Variants in NFIA observed in about 807,000 individuals in gnomAD.
NFIA encodes the protein nuclear factor I A.
Under a neutral mutation model 62.8 loss-of-function variants are expected in NFIA, and 8 were observed. That is an observed-to-expected ratio of 0.13 (90% CI 0.07 to 0.23). The LOEUF is 0.23. Ranked by LOEUF, NFIA falls within the 10% of genes least tolerant of loss-of-function variation. NFIA has a pLI of 1.00. For missense variants in NFIA, 410 were observed against 642.1 expected, an observed-to-expected ratio of 0.64 and a Z score of 3.91; for synonymous variants, 235 against 238.1, an observed-to-expected ratio of 0.99 and a Z score of 0.12.
intron 9 of NFIA, among the ~76,000 whole-genome samples, chr1:61,407,383 C>A (rs1665894626): frequency 6.6e-6 from 1 of 152,066 alleles, no homozygotes; most frequent in East Asian, 1.9e-4. Flanking sequence ...AACATTTAAT[C>A]AAAGAATATA....
At chr1:61,386,154 A>G (rs915894489) in intron 7 of NFIA, among the ~76,000 whole-genome samples, 3 of 152,198 alleles carry the variant, frequency 2.0e-5, no homozygotes, top group Non-Finnish European at 4.4e-5. Flanking sequence ...CTAGTTGGAA[A>G]GCTAATGCTT....
At chr1:61,380,707 A>T (rs2100481072) in intron 6 of NFIA, among the ~76,000 whole-genome samples, 1 of 152,274 alleles carries the variant, frequency 6.6e-6, no homozygotes, top group Non-Finnish European at 1.5e-5. Flanking sequence ...ACACAAAGTA[A>T]TTTTGAGATT....
intron 2 of NFIA, among the ~76,000 whole-genome samples, chr1:61,241,768 C>G (rs1655361782): frequency 1.3e-5 from 2 of 152,066 alleles, no homozygotes; most frequent in Non-Finnish European, 2.9e-5. Context: ...TCCAGAGATT[C>G]AAGTAGTCAC....
intron 2 of NFIA, among the ~76,000 whole-genome samples, chr1:61,269,252 TAAAG>T (rs963989977): frequency 6.6e-6 from 1 of 151,958 alleles, no homozygotes; most frequent in Admixed American, 6.6e-5. Context: ...ATATTAGGAA[TAAAG>T]AAGACTTCGG....
intron 3 of NFIA, among the ~76,000 whole-genome samples, chr1:61,286,540 T>TAAAAGGG (rs1303171331): frequency 6.6e-6 from 1 of 152,148 alleles, no homozygotes; most frequent in Non-Finnish European, 1.5e-5. Context: ...GATAGTCTAG[T>TAAAAGGG]AAAAGGGAAA....
chr1:61,384,333 T>C (rs1664570852), intron 7 of NFIA, among the ~76,000 whole-genome samples: 1 of 152,200 alleles, frequency 6.6e-6, no homozygotes, highest in Non-Finnish European at 1.5e-5. Flanking sequence ...TCTGTGTGCA[T>C]CTCAGGGAAA....
intron 2 of NFIA, among the ~76,000 whole-genome samples, chr1:61,218,896 T>C (rs1404469743): frequency 6.6e-6 from 1 of 152,214 alleles, no homozygotes; most frequent in Non-Finnish European, 1.5e-5. Flanking sequence ...AGCATTAACT[T>C]GTGTTTTTAA....
At chr1:61,157,933 A>G (rs181103340) in intron 2 of NFIA, among the ~76,000 whole-genome samples, 77 of 152,364 alleles carry the variant, frequency 5.1e-4, no homozygotes, top group Admixed American at 5.0e-3. Context: ...GCATTATGCC[A>G]CAGTGCTCTG....
chr1:61,242,716 G>A (rs1317545134), intron 2 of NFIA, among the ~76,000 whole-genome samples: 1 of 152,118 alleles, frequency 6.6e-6, no homozygotes, highest in East Asian at 1.9e-4. Context: ...TTTATATTCT[G>A]ATTGAGACCT....
intron 2 of NFIA, among the ~76,000 whole-genome samples, chr1:61,256,152 G>T (rs1336475737): frequency 1.3e-5 from 2 of 152,152 alleles, no homozygotes; most frequent in Non-Finnish European, 2.9e-5. Flanking sequence ...TGTTGGCCAG[G>T]CATGGTGGCT....
rs139870117 is a variant in NFIA at position 61,334,107 on chromosome 1, C to T, written c.700+1521C>T. 9.7e-3 allele frequency among the ~76,000 whole-genome samples: 1,476 copies of T among 152,288 alleles called. 17 individuals are homozygous for T. Among genetic ancestry groups the T allele is most frequent in the South Asian group, 0.023 (112 of 4,822 alleles). On this transcript the variant is annotated intron_variant, in intron 4 of 10. Transcript: ENST00000403491. ...CTGGCCCAAAGGAACTTGAAGAGAT[C>T]TATAGCATGAGACTAGACAGGGAAA...
At chr1:61,272,541 TC>T (rs1306958781) in intron 2 of NFIA, among the ~76,000 whole-genome samples, 1 of 152,210 alleles carries the variant, frequency 6.6e-6, no homozygotes, top group Non-Finnish European at 1.5e-5. Context: ...GAATTATTTC[TC>T]TATTACAACC....
intron 2 of NFIA, among the ~76,000 whole-genome samples, chr1:61,222,340 T>C (rs769220267): frequency 1.3e-5 from 2 of 152,152 alleles, no homozygotes; most frequent in African/African-American, 4.8e-5. Context: ...GTTTCCGTTA[T>C]ACCGTTTAGA....
At chr1:61,403,553 G>A (rs750920965) in intron 7 of NFIA, among the ~76,000 whole-genome samples, 30 of 152,090 alleles carry the variant, frequency 2.0e-4, no homozygotes, top group Non-Finnish European at 8.8e-5. Context: ...TAAACCATCC[G>A]TGTAAAGTGA....
chr1:61,423,450 A>G (rs1308012174), intron 9 of NFIA, among the ~76,000 whole-genome samples: 1 of 152,164 alleles, frequency 6.6e-6, no homozygotes, highest in Non-Finnish European at 1.5e-5. Flanking sequence ...ATCTCCCCAG[A>G]AAACTATTTT....
intron 6 of NFIA, among the ~76,000 whole-genome samples, chr1:61,362,003 A>G (rs1016488722): frequency 2.0e-5 from 3 of 152,158 alleles, no homozygotes; most frequent in African/African-American, 7.2e-5. Context: ...GCAGAAAGTC[A>G]TAATTGCAAC....
At chr1:61,306,941 T>A (rs993532269) in intron 3 of NFIA, among the ~76,000 whole-genome samples, 6 of 152,232 alleles carry the variant, frequency 3.9e-5, no homozygotes, top group African/African-American at 7.2e-5. Context: ...GGAGGACTTT[T>A]CTTTTCTAAT....
At chr1:61,421,729 A>G (rs911432915) in intron 9 of NFIA, among the ~76,000 whole-genome samples, 1 of 152,158 alleles carries the variant, frequency 6.6e-6, no homozygotes, top group African/African-American at 2.4e-5. Context: ...CCCTGTGGGT[A>G]TATGGAGGGG....
At chr1:61,100,036 T>C (rs1297282149) in intron 2 of NFIA, among the ~76,000 whole-genome samples, 1 of 152,158 alleles carries the variant, frequency 6.6e-6, no homozygotes, top group Non-Finnish European at 1.5e-5. Context: ...ATGGATGGAG[T>C]GAAAAATATT....
Sources: gnomAD v4.1 joint callset for allele counts (sites outside exome capture counted in the v4.1 genomes callset) on GRCh38, gnomAD v4.1.1 for gene constraint, MANE v1.5 for transcripts, NCBI Gene and HGNC (gene_info 2026-07-23, HGNC 2026-07-21) for gene names.